The following WWOX variants were observed in gnomAD, a reference collection of about 807,000 sequenced individuals.
WWOX encodes the protein WW domain-containing oxidoreductase.
A neutral mutation model predicts 46.2 loss-of-function variants in WWOX; 69 were observed. The ratio of observed to expected loss-of-function variants is 1.49; its 90% CI spans 1.23 to 1.82. WWOX has a LOEUF of 1.82. WWOX is among the 40% of genes most tolerant of loss of function. The pLI, the probability that WWOX is intolerant of heterozygous loss-of-function variation, is 0.00. For synonymous variants in WWOX, 359 were observed against 202.6 expected (o/e 1.77, Z -6.56); for missense variants, 919 against 542.6 (o/e 1.69, Z -6.89).
intron 8 of WWOX, among the ~76,000 whole-genome samples, chr16:78,592,223 G>C (rs188150193): frequency 2.0e-5 from 3 of 152,112 alleles, no homozygotes; most frequent in African/African-American, 7.2e-5. Flanking sequence ...TTTATTTTTT[G>C]TTTGTTTGTT....
intron 5 of WWOX, among the ~76,000 whole-genome samples, chr16:78,310,215 C>T (rs999586534): frequency 1.3e-5 from 2 of 152,144 alleles, no homozygotes; most frequent in South Asian, 2.1e-4. Flanking sequence ...CTTCTACCCA[C>T]GAATTTTCTT....
intron 8 of WWOX, among the ~76,000 whole-genome samples, chr16:78,826,751 A>G (rs2051668671): frequency 6.6e-6 from 1 of 152,152 alleles, no homozygotes; most frequent in Non-Finnish European, 1.5e-5. Context: ...GGAGGCCACC[A>G]TTCAACCCAC....
At chr16:78,663,352 A>ATAC (rs2047260387) in intron 8 of WWOX, among the ~76,000 whole-genome samples, 2 of 152,204 alleles carry the variant, frequency 1.3e-5, no homozygotes. Context: ...AATCTAACTA[A>ATAC]TACTTCATCC....
intron 8 of WWOX, among the ~76,000 whole-genome samples, chr16:78,583,339 C>A (rs865844787): frequency 5.9e-5 from 9 of 152,284 alleles, no homozygotes; most frequent in Middle Eastern, 6.8e-3. Flanking sequence ...CAGAGTAATT[C>A]TGACAGTACT....
chr16:78,621,984 C>T (rs892702984), intron 8 of WWOX, among the ~76,000 whole-genome samples: 2 of 152,044 alleles, frequency 1.3e-5, no homozygotes, highest in Admixed American at 6.6e-5. Context: ...TTTTAGTGCT[C>T]CTGGATGTCC....
chr16:78,790,690 A>G (rs1292670063), intron 8 of WWOX, among the ~76,000 whole-genome samples: 3 of 152,134 alleles, frequency 2.0e-5, no homozygotes, highest in Non-Finnish European at 2.9e-5. Context: ...GAAAATCAAA[A>G]CAAGACTGTG....
chr16:79,167,401 C>A (rs1295641421), intron 8 of WWOX, among the ~76,000 whole-genome samples: 1 of 151,996 alleles, frequency 6.6e-6, no homozygotes, highest in South Asian at 2.1e-4. Flanking sequence ...TGTGTAGTTT[C>A]CCTCCATGAC....
intron 5 of WWOX, among the ~76,000 whole-genome samples, chr16:78,353,843 C>T (rs1047409410): frequency 9.2e-5 from 14 of 152,222 alleles, no homozygotes; most frequent in Non-Finnish European, 1.6e-4. Flanking sequence ...GTGGCGTTCG[C>T]TTTACCCTTG....
In WWOX at chr16:78,260,097, C is replaced by G. The variant is rs988020901; in HGVS notation, c.516+95808C>G. ...GTTTCTGCTGGAATCAGCTCGATGCCTCTTGAGGACAGAGACTCCCAGAGG... is the reference window on the plus strand; with the variant it reads ...GTTTCTGCTGGAATCAGCTCGATGCGTCTTGAGGACAGAGACTCCCAGAGG... On this transcript the variant is annotated intron_variant, in intron 5 of 8. Coordinates refer to ENST00000566780, the MANE Select transcript of WWOX (RefSeq NM_016373.4). Among the ~76,000 whole-genome samples, 3 of 151,230 alleles carry G rather than the reference C, an allele frequency of 2.0e-5. 1 individual carries two copies. Among genetic ancestry groups the G allele is most frequent in the Non-Finnish European group, 4.4e-5 (3 of 67,820 alleles).
intron 8 of WWOX, among the ~76,000 whole-genome samples, chr16:79,132,970 G>T (rs911267910): frequency 6.6e-6 from 1 of 152,192 alleles, no homozygotes; most frequent in Non-Finnish European, 1.5e-5. Context: ...GCCTGGGTCT[G>T]TTCTGTCACT....
chr16:78,450,753 A>G (rs74030272), intron 8 of WWOX, among the ~76,000 whole-genome samples: 1 of 152,134 alleles, frequency 6.6e-6, no homozygotes, highest in Non-Finnish European at 1.5e-5. Flanking sequence ...TTCTCTATAA[A>G]TATAAAAGAG....
chr16:78,635,034 G>T (rs1388775719), intron 8 of WWOX, among the ~76,000 whole-genome samples: 1 of 152,122 alleles, frequency 6.6e-6, no homozygotes, highest in Non-Finnish European at 1.5e-5. Flanking sequence ...ATCCAACCCT[G>T]ACGGCTTCCC....
chr16:78,854,797 G>A (rs1244022361), intron 8 of WWOX, among the ~76,000 whole-genome samples: 1 of 152,140 alleles, frequency 6.6e-6, no homozygotes, highest in Non-Finnish European at 1.5e-5. Flanking sequence ...GGCCAGGCTG[G>A]TGTTGAACCC....
chr16:78,305,303 C>T (rs2080113182), intron 5 of WWOX, among the ~76,000 whole-genome samples: 1 of 152,098 alleles, frequency 6.6e-6, no homozygotes, highest in South Asian at 2.1e-4. Context: ...CAGGGAGGTG[C>T]TGTTAATAGC....
At chr16:78,812,029 C>G (rs770027800) in intron 8 of WWOX, among the ~76,000 whole-genome samples, 27 of 151,976 alleles carry the variant, frequency 1.8e-4, no homozygotes, top group Non-Finnish European at 4.0e-4. Flanking sequence ...GGTTCTTACC[C>G]TCATCATTGT....
intron 8 of WWOX, among the ~76,000 whole-genome samples, chr16:78,466,668 A>T (rs2738668): frequency 7.9e-5 from 12 of 151,792 alleles, no homozygotes; most frequent in Non-Finnish European, 4.4e-5. Flanking sequence ...TGTCTCTACT[A>T]TAAACTCCGT....
At chr16:78,480,211 C>T (rs1287811320) in intron 8 of WWOX, among the ~76,000 whole-genome samples, 1 of 152,126 alleles carries the variant, frequency 6.6e-6, no homozygotes, top group Non-Finnish European at 1.5e-5. Context: ...TCTTCAGTAG[C>T]CAGATGTGGT....
intron 8 of WWOX, among the ~76,000 whole-genome samples, chr16:79,146,666 C>G (rs1333782957): frequency 6.6e-6 from 1 of 152,148 alleles, no homozygotes; most frequent in South Asian, 2.1e-4. Context: ...GGTTCATTCA[C>G]TCAGCAAGTG....
chr16:78,182,800 A>C (rs1283490977), intron 5 of WWOX, among the ~76,000 whole-genome samples: 1 of 151,818 alleles, frequency 6.6e-6, no homozygotes, highest in African/African-American at 2.4e-5. Context: ...AAAATACAAA[A>C]ATTAGCAGGG....
Sources: gnomAD v4.1 joint callset for allele counts (sites outside exome capture counted in the v4.1 genomes callset) on GRCh38, gnomAD v4.1.1 for gene constraint, MANE v1.5 for transcripts, NCBI Gene and HGNC (gene_info 2026-07-23, HGNC 2026-07-21) for gene names.